The following OR5A1 variants were observed in gnomAD, a reference collection of about 807,000 sequenced individuals.
OR5A1 encodes olfactory receptor family 5 subfamily A member 1, also known as olfactory receptor 5A1.
OR5A1 carries 6 observed loss-of-function variants against 6.7 expected under a neutral mutation model. That is an observed-to-expected ratio of 0.89 (90% CI 0.49 to 1.76). The LOEUF is 1.76. Among genes scored for constraint, OR5A1 ranks in the 40% most tolerant of loss-of-function variants. The pLI is 0.01. For missense variants in OR5A1, 378 were observed against 381.7 expected (o/e 0.99, Z 0.08); for synonymous variants, 170 against 155.0 (o/e 1.10, Z -0.72).
In OR5A1 at chr11:59,447,127, G is replaced by A. The variant is rs1274405952; in HGVS notation, c.*3011G>A. The A allele has an allele frequency of 6.6e-6, 1 of 152,202 alleles. No individual in the cohort carries two copies. The highest frequency in any genetic ancestry group is 1.5e-5 in the Non-Finnish European group (1 of 68,042). The allele number at this position is 152,202 out of a possible 1,614,324, so 9.4% of individuals were successfully genotyped here. On this transcript the variant is annotated 3_prime_UTR_variant, in exon 2 of 2. Coordinates refer to ENST00000641045, the MANE Select transcript of OR5A1 (RefSeq NM_001004728.2). ...GAATCCCTATTGACACAGCCATTGA[G>A]TGGAAGCTGACTCAGCATGGCTCCT...
In OR5A1 at chr11:59,443,329, G is replaced by T. The variant is rs2134537285; in HGVS notation, c.161G>T (p.Gly54Val). 6.2e-7 allele frequency: 1 copy of T among 1,613,716 alleles called. No individual in the cohort carries two copies. Among genetic ancestry groups the T allele is most frequent in the East Asian group, 2.2e-5 (1 of 44,882 alleles). ...WNLALIFLIR[G>V]DTHLHTPMYF... ...CTGGCCCTCATTTTTCTGATCAGAG[G>T]TGACACCCATCTGCACACACCCATG... The change falls in exon 2 of 2, where the codon GGT (glycine) becomes GTT (valine). Residue 54 changes from glycine to valine, a missense_variant. Physicochemically the swap from Gly to Val is moderately radical, Grantham distance 109. Coordinates refer to ENST00000641045, the MANE Select transcript of OR5A1 (RefSeq NM_001004728.2).
At position 59,448,417 on chromosome 11, in the gene OR5A1, G is replaced by C. The variant is rs902558001; in HGVS notation, c.*4301G>C. ...TCATCTAGTGGAATCCAATTTGTCA[G>C]TATCTCCAGGTCTCAGTCAAGGCCT... On this transcript the variant is annotated 3_prime_UTR_variant, in exon 2 of 2. Transcript: ENST00000641045. 1.3e-5 allele frequency: 2 copies of C among 152,160 alleles called. No individual in the cohort carries two copies. The highest frequency in any genetic ancestry group is 4.8e-5 in the African/African-American group (2 of 41,440). 9.4% of individuals were successfully genotyped at this position (152,160 alleles called of 1,614,324 possible).
rs1166837060 is a variant in OR5A1, at chr11:59,447,348, T to G, written c.*3232T>G. 2 of 152,180 alleles carry G rather than the reference T, an allele frequency of 1.3e-5. No individual in the cohort carries two copies. The highest frequency in any genetic ancestry group is 2.9e-5 in the Non-Finnish European group (2 of 68,038). The allele number at this position is 152,180 out of a possible 1,614,324, so 9.4% of individuals were successfully genotyped here. A position where few individuals can be genotyped will look rare whatever the true frequency, so the allele number is the denominator to read the frequency against. ...TTTCTATTGCACATCTTCCAAAATG[T>G]AGGCCCAGAAGCAGAGGCCACAGCT... is the stretch of plus-strand genomic sequence containing the variant. On this transcript the variant is annotated 3_prime_UTR_variant, in exon 2 of 2. Coordinates refer to ENST00000641045, the MANE Select transcript of OR5A1 (RefSeq NM_001004728.2).
rs1858421478 is a variant in OR5A1 at position 59,436,829 on chromosome 11, C to G, written c.-40C>G. 6.6e-6 allele frequency: 1 copy of G among 152,170 alleles called. No homozygotes were observed. Among genetic ancestry groups the G allele is most frequent in the Non-Finnish European group, 1.5e-5 (1 of 68,036 alleles). The allele number at this position is 152,170 out of a possible 1,614,324, so 9.4% of individuals were successfully genotyped here. On this transcript the variant is annotated 5_prime_UTR_variant, in exon 1 of 2. Transcript: ENST00000641045. ...AGCTAAAGGGCAGACAGAGCAGGAGCAACAGGGTAAGTGCAGTTTGCTCTT... is the reference window on the plus strand; with the variant it reads ...AGCTAAAGGGCAGACAGAGCAGGAGGAACAGGGTAAGTGCAGTTTGCTCTT...
At chr11:59,441,938 TGATAGATAGATAGATAGATAGATAGATA>T (rs3033264) in intron 1 of OR5A1, among the ~76,000 whole-genome samples, 1 of 148,114 alleles carries the variant, frequency 6.8e-6, no homozygotes, top group South Asian at 2.2e-4. Flanking sequence ...GATAGAGAGA[TGATAGATAGATAGATAGATAGATAGATA>T]GATAGATAGA....
rs1027688496 is a variant in OR5A1, at chr11:59,450,360, A to G, written c.*6244A>G. The G allele has an allele frequency of 3.3e-5, 5 of 152,186 alleles. No homozygotes were observed. Among genetic ancestry groups the G allele is most frequent in the Non-Finnish European group, 1.5e-5 (1 of 68,032 alleles). 9.4% of individuals were successfully genotyped at this position (152,186 alleles called of 1,614,324 possible). ...AGTTCCCAGAGACCTGAGTTGGCTG[A>G]TTCCAGGTTCTCCTCTGGGTGCCTC... On this transcript the variant is annotated 3_prime_UTR_variant, in exon 2 of 2. Transcript: ENST00000641045.
intron 1 of OR5A1, among the ~76,000 whole-genome samples, chr11:59,439,447 T>C (rs1858458188): frequency 6.6e-6 from 1 of 152,186 alleles, no homozygotes; most frequent in South Asian, 2.1e-4. Flanking sequence ...GATTATATCA[T>C]AGAATTGTAG....
At position 59,444,401 on chromosome 11, in the gene OR5A1, T is replaced by C. The variant is rs9787746; in HGVS notation, c.*285T>C. ...CAATAACTAGCCTTTATTGGGCCCT[T>C]AGTATGTACCAGGCACAAAAGTTAT... is the stretch of plus-strand genomic sequence containing the variant. On this transcript the variant is annotated 3_prime_UTR_variant, in exon 2 of 2. Coordinates refer to ENST00000641045, the MANE Select transcript of OR5A1 (RefSeq NM_001004728.2). 0.18 allele frequency: 44,739 copies of C among 248,372 alleles called. 5,609 individuals are homozygous for C. The highest frequency in any genetic ancestry group is 0.24 in the Non-Finnish European group (30,051 of 127,172). 15.4% of individuals were successfully genotyped at this position (248,372 alleles called of 1,614,324 possible).
At chr11:59,439,155 T>C (rs1858454354) in intron 1 of OR5A1, among the ~76,000 whole-genome samples, 1 of 152,206 alleles carries the variant, frequency 6.6e-6, no homozygotes, top group South Asian at 2.1e-4. Context: ...GCAAATTTTG[T>C]TACAAAGTTT....
At chr11:59,440,901 T>C (rs892643106) in intron 1 of OR5A1, among the ~76,000 whole-genome samples, 5 of 152,162 alleles carry the variant, frequency 3.3e-5, no homozygotes, top group Non-Finnish European at 5.9e-5. Flanking sequence ...AGCATGATGA[T>C]AGCTAAAAGG....
rs1219806366 is a variant in OR5A1 at position 59,449,348 on chromosome 11, A to G, written c.*5232A>G. On this transcript the variant is annotated 3_prime_UTR_variant, in exon 2 of 2. Coordinates refer to ENST00000641045, the MANE Select transcript of OR5A1 (RefSeq NM_001004728.2). ...GAAAATTTTGCACACCTACAAACTT[A>G]TGATTTCAATAGTGTCTCTGAAAGG... 1.3e-5 allele frequency: 2 copies of G among 152,178 alleles called. No individual in the cohort carries two copies. The highest frequency in any genetic ancestry group is 2.9e-5 in the Non-Finnish European group (2 of 68,024). 9.4% of individuals were successfully genotyped at this position (152,178 alleles called of 1,614,324 possible). A position where few individuals can be genotyped will look rare whatever the true frequency, so the allele number is the denominator to read the frequency against.
Position 59,443,690 on chromosome 11 carries a change from C to G in OR5A1, c.522C>G (p.Pro174=). The change falls in exon 2 of 2, where the codon CCC becomes CCG. Residue 174 remains proline, a synonymous_variant. Transcript: ENST00000641045. ...SSIFRLHFCG[P]NIINHFFCDL... ...TATTTAGGCTTCACTTTTGCGGACC[C>G]AACATCATCAACCACTTCTTCTGCG... The G allele has an allele frequency of 6.2e-7, 1 of 1,614,118 alleles. No homozygotes were observed. The highest frequency in any genetic ancestry group is 2.2e-5 in the East Asian group (1 of 44,880).
At position 59,446,428 on chromosome 11, in the gene OR5A1, G is replaced by T. The variant is rs527526674; in HGVS notation, c.*2312G>T. ...TGAAGTCAGGGAGTGTAATGCCTCC[G>T]GCTTTGTTCTTTTTGCTTAGGATTG... On this transcript the variant is annotated 3_prime_UTR_variant, in exon 2 of 2. Transcript: ENST00000641045. 6.6e-6 allele frequency: 1 copy of T among 152,028 alleles called. No individual in the cohort carries two copies. The highest frequency in any genetic ancestry group is 1.5e-5 in the Non-Finnish European group (1 of 67,992). The allele number at this position is 152,028 out of a possible 1,614,324, so 9.4% of individuals were successfully genotyped here. A position where few individuals can be genotyped will look rare whatever the true frequency, so the allele number is the denominator to read the frequency against.
At position 59,448,460 on chromosome 11, in the gene OR5A1, T is replaced by G. The variant is rs918778775; in HGVS notation, c.*4344T>G. 7 of 152,202 alleles carry G rather than the reference T, an allele frequency of 4.6e-5. No individual in the cohort carries two copies. Among genetic ancestry groups the G allele is most frequent in the Non-Finnish European group, 1.0e-4 (7 of 68,026 alleles). The allele number at this position is 152,202 out of a possible 1,614,324, so 9.4% of individuals were successfully genotyped here. A position where few individuals can be genotyped will look rare whatever the true frequency, so the allele number is the denominator to read the frequency against. On this transcript the variant is annotated 3_prime_UTR_variant, in exon 2 of 2. Transcript: ENST00000641045. ...CAAGGCCTCTTTATGATGACGTTGG[T>G]CTCATCCAATGCTTGGATCTTACAG...
rs1401899019 is a variant in OR5A1 at position 59,446,021 on chromosome 11, G to T, written c.*1905G>T. The T allele has an allele frequency of 6.6e-6, 1 of 152,094 alleles. No individual in the cohort carries two copies. Among genetic ancestry groups the T allele is most frequent in the Non-Finnish European group, 1.5e-5 (1 of 68,000 alleles). 9.4% of individuals were successfully genotyped at this position (152,094 alleles called of 1,614,324 possible). A position where few individuals can be genotyped will look rare whatever the true frequency, so the allele number is the denominator to read the frequency against. ...CCATTTGCCAATGTTTGCTTTTGTT[G>T]CAATTGCTTTTGACGTTTTCATCAT... On this transcript the variant is annotated 3_prime_UTR_variant, in exon 2 of 2. Coordinates refer to ENST00000641045, the MANE Select transcript of OR5A1 (RefSeq NM_001004728.2).
chr11:59,443,730 C>T lies in OR5A1; in HGVS notation c.562C>T (p.Leu188=), dbSNP rs1193735812. ...CTTCTTCTGCGACCTCCCACCAGTC[C>T]TGGCTCTGTCTTGCTCTGACACCTT... is the stretch of plus-strand genomic sequence containing the variant. ...NHFFCDLPPV[L]ALSCSDTFLS... The change falls in exon 2 of 2, where the codon CTG becomes TTG. Residue 188 remains leucine (L), a synonymous_variant. Transcript: ENST00000641045. The T allele has an allele frequency of 1.2e-6, 2 of 1,614,132 alleles. No homozygotes were observed. The highest frequency in any genetic ancestry group is 1.7e-5 in the Admixed American group (1 of 60,016).
At position 59,444,680 on chromosome 11, in the gene OR5A1, T is replaced by G. The variant is rs1374436161; in HGVS notation, c.*564T>G. On this transcript the variant is annotated 3_prime_UTR_variant, in exon 2 of 2. Transcript: ENST00000641045. ...CTCTTGTTACTGGCATATGGCAGAA[T>G]CTGAAAAGATACACTATGTGTAGTT... The G allele has an allele frequency of 2.6e-5, 4 of 152,580 alleles. No homozygotes were observed. Among genetic ancestry groups the G allele is most frequent in the African/African-American group, 9.6e-5 (4 of 41,458 alleles). 9.5% of individuals were successfully genotyped at this position (152,580 alleles called of 1,614,324 possible).
rs764143104 is a variant in OR5A1, at chr11:59,450,990, G to C, written c.*6874G>C. On this transcript the variant is annotated 3_prime_UTR_variant, in exon 2 of 2. Transcript: ENST00000641045. ...TTTATATTTAGGACATTAAACATTT[G>C]GTTTATTAACTCTTTAGCATAAATT... 3 of 152,078 alleles carry C rather than the reference G, an allele frequency of 2.0e-5. No homozygotes were observed. The South Asian group carries it at 6.2e-4, about 31-fold the overall frequency. The allele number at this position is 152,078 out of a possible 1,614,324, so 9.4% of individuals were successfully genotyped here.
In OR5A1 at chr11:59,436,661, T is replaced by C. The variant is rs1369748470; in HGVS notation, c.-208T>C. ...TTACTCTGCCCCAAAGCACACCTTC[T>C]ATGCACCAAGAGGATATTTTGATCC... On this transcript the variant is annotated 5_prime_UTR_variant, in exon 1 of 2. Coordinates refer to ENST00000641045, the MANE Select transcript of OR5A1 (RefSeq NM_001004728.2). The C allele has an allele frequency of 6.6e-6, 1 of 152,210 alleles. No individual in the cohort carries two copies. Among genetic ancestry groups the C allele is most frequent in the Non-Finnish European group, 1.5e-5 (1 of 68,060 alleles). 9.4% of individuals were successfully genotyped at this position (152,210 alleles called of 1,614,324 possible). A position where few individuals can be genotyped will look rare whatever the true frequency, so the allele number is the denominator to read the frequency against.
Sources: allele counts gnomAD v4.1 joint callset (sites outside exome capture counted in the v4.1 genomes callset), GRCh38; gene constraint gnomAD v4.1.1; transcripts MANE v1.5; gene names NCBI Gene and HGNC (gene_info 2026-07-23, HGNC 2026-07-21).